Variants in EIF3A observed in about 807,000 individuals in gnomAD.
The protein encoded by EIF3A is EIF3, p180 subunit.
In EIF3A, 21 loss-of-function variants were observed where a neutral mutation model predicts 186.6. That is an observed-to-expected ratio of 0.11 (90% CI 0.08 to 0.16). The LOEUF (loss-of-function observed/expected upper bound fraction) is 0.16. EIF3A is among the 10% of genes least tolerant of loss of function. The probability of loss-of-function intolerance (pLI) is 1.00; values close to 1 mark genes in which losing one functional copy is unlikely to be tolerated. For synonymous variants in EIF3A, 563 were observed against 584.3 expected (o/e 0.96, Z 0.52); for missense variants, 1,306 against 1,796.3 (o/e 0.73, Z 4.93).
At position 119,071,852 on chromosome 10, in the gene EIF3A, C is replaced by T. The variant is rs982202054; in HGVS notation, c.542-767G>A. Among the ~76,000 whole-genome samples the T allele has an allele frequency of 2.6e-5, 4 of 151,542 alleles. No individual in the cohort carries two copies. The South Asian group carries it at 6.3e-4, about 24-fold the overall frequency. On this transcript the variant is annotated intron_variant, in intron 4 of 21. Transcript: ENST00000369144. ...CATCCTGGCTAACACGGTGAAACCCCATCTCTACTAAAAATACAAAAAATT... is the reference window on the plus strand; with the variant it reads ...CATCCTGGCTAACACGGTGAAACCCTATCTCTACTAAAAATACAAAAAATT...
intron 20 of EIF3A, 173 bp downstream of exon 20, chr10:119,038,065 C>T (rs193251491): frequency 4.3e-4 from 255 of 590,148 alleles, no homozygotes; most frequent in African/African-American, 4.2e-3. Context: ...TACAGGCATG[C>T]GCCACCACGC....
Position 119,034,887 on chromosome 10 carries a change from CAT to C in EIF3A, c.*1150_*1151del. 1 of 152,460 alleles carries C rather than the reference CAT, an allele frequency of 6.6e-6. No homozygotes were observed. Among genetic ancestry groups the C allele is most frequent in the Non-Finnish European group, 1.5e-5 (1 of 68,030 alleles). The allele number at this position is 152,460 out of a possible 1,614,324, so 9.4% of individuals were successfully genotyped here. On this transcript the variant is annotated 3_prime_UTR_variant, in exon 22 of 22. Coordinates refer to ENST00000369144, the MANE Select transcript of EIF3A (RefSeq NM_003750.4). ...ACATGTTAGGGGGACATCCTAGCCA[CAT>C]ATGCTTTCTTTGTTATATTTAGGTT...
At chr10:119,080,411 G>C (rs899650843) in intron 1 of EIF3A, 1 of 985,446 alleles carries the variant, frequency 1.0e-6, no homozygotes. Context: ...AAAGGCCCCT[G>C]GGGCGACGGT....
chr10:119,078,947 G>A (rs1038015134), intron 1 of EIF3A, among the ~76,000 whole-genome samples: 3 of 146,960 alleles, frequency 2.0e-5, no homozygotes, highest in African/African-American at 8.2e-5. Context: ...TACTAGCACG[G>A]GGAAAAAAAA....
intron 1 of EIF3A, among the ~76,000 whole-genome samples, chr10:119,075,655 T>TATAC (rs1390040300): frequency 1.7e-3 from 244 of 141,944 alleles, no homozygotes; most frequent in Non-Finnish European, 2.3e-3. Flanking sequence ...TATATACATA[T>TATAC]ATATATATAT....
At position 119,059,722 on chromosome 10, in the gene EIF3A, C is replaced by A. The variant is rs770182844; in HGVS notation, c.1327-4G>T. On this transcript the variant is annotated splice_region_variant and splice_polypyrimidine_tract_variant and intron_variant, in intron 9 of 21. Coordinates refer to ENST00000369144, the MANE Select transcript of EIF3A (RefSeq NM_003750.4). ...TGCTCTGATAAATCTGTGACACCTGCATAGAAAACAAAGGGTTAATAACAC... is the reference window on the plus strand; with the variant it reads ...TGCTCTGATAAATCTGTGACACCTGAATAGAAAACAAAGGGTTAATAACAC... The A allele has an allele frequency of 6.3e-7, 1 of 1,593,388 alleles. No homozygotes were observed. The highest frequency in any genetic ancestry group is 1.7e-5 in the Admixed American group (1 of 59,984).
intron 20 of EIF3A, 52 bp from the exon 21 acceptor site, chr10:119,037,361 T>A: frequency 6.7e-7 from 1 of 1,489,212 alleles, no homozygotes; most frequent in Non-Finnish European, 9.3e-7. Flanking sequence ...ACCAAATGGA[T>A]AATTATAAGT....
At chr10:119,078,969 G>A (rs1050821889) in intron 1 of EIF3A, among the ~76,000 whole-genome samples, 30 of 152,110 alleles carry the variant, frequency 2.0e-4, no homozygotes, top group African/African-American at 6.5e-4. Context: ...TACCTGTTGG[G>A]CAAAGCATGC....
At chr10:119,051,130 AAGGG>A in intron 15 of EIF3A, 65 bp downstream of exon 15, 1 of 1,386,400 alleles carries the variant, frequency 7.2e-7, no homozygotes, top group Non-Finnish European at 9.7e-7. Context: ...CCAATTTGTT[AAGGG>A]AGAACCCTTA....
intron 1 of EIF3A, among the ~76,000 whole-genome samples, chr10:119,075,647 T>TATAC (rs1554873580): frequency 3.6e-5 from 1 of 27,428 alleles, no homozygotes; most frequent in African/African-American, 5.2e-5. Context: ...ACACTATATA[T>TATAC]ATACATATAT....
chr10:119,059,109 C>A lies in EIF3A; in HGVS notation c.1629+103G>T. 3.5e-6 allele frequency: 3 copies of A among 848,110 alleles called. 1 individual carries two copies. In the South Asian group the frequency reaches 4.9e-5, roughly 14 times the overall value. The allele number at this position is 848,110 out of a possible 1,614,324, so 52.5% of individuals were successfully genotyped here. A position where few individuals can be genotyped will look rare whatever the true frequency, so the allele number is the denominator to read the frequency against. The stretch of plus-strand genomic sequence containing the variant: ...ATTCTATAGGAAACATATCATAAAT[C>A]CCTTCTCTCAGATATTGTCTCAAAC... On this transcript the variant is annotated intron_variant, in intron 11 of 21. Transcript: ENST00000369144.
intron 14 of EIF3A, among the ~76,000 whole-genome samples, chr10:119,052,801 T>G (rs1848376698): frequency 6.6e-6 from 1 of 152,224 alleles, no homozygotes; most frequent in Admixed American, 6.5e-5. Context: ...CTCTTTCTAA[T>G]GCTGATATTT....
chr10:119,049,441 C>CA (rs919762178), intron 17 of EIF3A, among the ~76,000 whole-genome samples: 10 of 134,190 alleles, frequency 7.5e-5, no homozygotes, highest in African/African-American at 2.6e-4. Flanking sequence ...GAAGCCGAGA[C>CA]AGAGATCACA....
At chr10:119,064,878 TTTG>T (rs1843946565) in intron 7 of EIF3A, among the ~76,000 whole-genome samples, 1 of 152,112 alleles carries the variant, frequency 6.6e-6, no homozygotes, top group Admixed American at 6.6e-5. Flanking sequence ...CAGCTAATTT[TTTG>T]TTATTTTTAG....
At position 119,036,273 on chromosome 10, in the gene EIF3A, A is replaced by G. The variant is rs763949178; in HGVS notation, c.3920-5T>C. On this transcript the variant is annotated splice_region_variant and splice_polypyrimidine_tract_variant and intron_variant, in intron 21 of 21. Transcript: ENST00000369144. ...CAGCACGTCTCCAAGAACTTACTAA[A>G]AAGTTTAATTAAAAAAAAAAAATTA... The G allele has an allele frequency of 3.1e-6, 5 of 1,597,568 alleles. No individual in the cohort carries two copies. The South Asian group carries it at 5.7e-5, about 18-fold the overall frequency.
At chr10:119,075,703 G>GA (rs1434313032) in intron 1 of EIF3A, among the ~76,000 whole-genome samples, 1 of 110,582 alleles carries the variant, frequency 9.0e-6, no homozygotes, top group Non-Finnish European at 1.9e-5. Context: ...ATTTTCCTTG[G>GA]AAAAAGACTT....
At chr10:119,039,537 T>C (rs774008752) in intron 19 of EIF3A, among the ~76,000 whole-genome samples, 1 of 152,074 alleles carries the variant, frequency 6.6e-6, no homozygotes, top group Non-Finnish European at 1.5e-5. Context: ...CTGGGCTTGG[T>C]GGTGTGCACC....
chr10:119,045,227 G>C (rs980001850), intron 17 of EIF3A, among the ~76,000 whole-genome samples: 1 of 152,070 alleles, frequency 6.6e-6, no homozygotes, highest in Non-Finnish European at 1.5e-5. Context: ...TTATAGGTGT[G>C]AGCCACCACG....
At chr10:119,065,758 A>C (rs1037852803) in intron 6 of EIF3A, among the ~76,000 whole-genome samples, 188 bp from the exon 7 acceptor site, 2 of 152,208 alleles carry the variant, frequency 1.3e-5, no homozygotes, top group African/African-American at 4.8e-5. Context: ...TGTTTAAACG[A>C]ATACTTGGAG....
Sources: gnomAD v4.1 joint callset for allele counts (sites outside exome capture counted in the v4.1 genomes callset) on GRCh38, gnomAD v4.1.1 for gene constraint, MANE v1.5 for transcripts, NCBI Gene and HGNC (gene_info 2026-07-23, HGNC 2026-07-21) for gene names.